RBFOX1: variants seen among roughly 807,000 people sequenced by gnomAD.
RBFOX1 encodes RNA binding protein fox-1 homolog 1.
RBFOX1 carries 8 observed loss-of-function variants against 57.7 expected under a neutral mutation model. That is an observed-to-expected ratio of 0.14 (90% CI 0.08 to 0.25). The LOEUF (loss-of-function observed/expected upper bound fraction) is 0.25, where lower values mean the gene tolerates loss of function less well. RBFOX1 is among the 10% of genes least tolerant of loss of function. The pLI is 1.00. For synonymous variants in RBFOX1, 326 were observed against 222.4 expected, an observed-to-expected ratio of 1.47 and a Z score of -4.15; for missense variants, 611 against 548.5, an observed-to-expected ratio of 1.11 and a Z score of -1.14.
chr16:6,909,039 T>C (rs998819231), intron 3 of RBFOX1, among the ~76,000 whole-genome samples: 5 of 152,170 alleles, frequency 3.3e-5, no homozygotes, highest in African/African-American at 4.8e-5. Context: ...ATTGTTGCTA[T>C]AACTAAATGA....
At chr16:7,155,859 A>C (rs10445042) in intron 4 of RBFOX1, among the ~76,000 whole-genome samples, 6 of 151,330 alleles carry the variant, frequency 4.0e-5, no homozygotes, top group Admixed American at 4.0e-4. Flanking sequence ...GATGAACCAT[A>C]TGTAGTGGTC....
Position 6,966,837 on chromosome 16 carries a change from A to ATCTGTCTG in RBFOX1, c.-15-85217_-15-85216insGTCTGTCT, listed in dbSNP as rs1231564212. On this transcript the variant is annotated intron_variant, in intron 3 of 15. Transcript: ENST00000550418. ...TGTCTGTCTATCTATCTGTCTATCT[A>ATCTGTCTG]TCTATCCATCCATCTATCCACACAT... Among the ~76,000 whole-genome samples the ATCTGTCTG allele has an allele frequency of 5.5e-3, 838 of 151,454 alleles. 10 individuals carry two copies. Among genetic ancestry groups the ATCTGTCTG allele is most frequent in the African/African-American group, 0.02 (807 of 41,032 alleles).
At chr16:6,185,582 G>T (rs1470533153) in intron 1 of RBFOX1, among the ~76,000 whole-genome samples, 1 of 152,190 alleles carries the variant, frequency 6.6e-6, no homozygotes, top group East Asian at 1.9e-4. Flanking sequence ...GGCTTGGAAG[G>T]TGATCAGCGT....
intron 2 of RBFOX1, among the ~76,000 whole-genome samples, chr16:6,328,085 C>T (rs56371995): frequency 0.29 from 43,925 of 152,120 alleles, 7,569 homozygotes; most frequent in Middle Eastern, 0.39. Context: ...GTGACACAAA[C>T]ACACATAATG....
chr16:5,634,898 T>C (rs1227539601), intron 3 of RBFOX1, among the ~76,000 whole-genome samples: 2 of 152,186 alleles, frequency 1.3e-5, no homozygotes, highest in African/African-American at 4.8e-5. Flanking sequence ...TGTTTATATG[T>C]CTATTCCAGG....
chr16:7,551,798 C>A (rs1224887123), intron 5 of RBFOX1, among the ~76,000 whole-genome samples: 1 of 152,184 alleles, frequency 6.6e-6, no homozygotes, highest in Non-Finnish European at 1.5e-5. Context: ...AATATTTACA[C>A]CACAGACATT....
chr16:6,758,369 A>G (rs11645845), intron 3 of RBFOX1, among the ~76,000 whole-genome samples: 11,535 of 152,202 alleles, frequency 0.076, 601 homozygotes, highest in Non-Finnish European at 0.11. Flanking sequence ...GCAGAATGCT[A>G]TTATGTTCAA....
intron 4 of RBFOX1, among the ~76,000 whole-genome samples, chr16:7,452,777 A>G (rs536326213): frequency 6.6e-6 from 1 of 152,296 alleles, no homozygotes; most frequent in African/African-American, 2.4e-5. Context: ...TAGATTACTT[A>G]GAGTCTGGTG....
At chr16:6,901,473 C>G (rs1350846173) in intron 3 of RBFOX1, among the ~76,000 whole-genome samples, 4 of 152,178 alleles carry the variant, frequency 2.6e-5, no homozygotes, top group Non-Finnish European at 5.9e-5. Context: ...GCCCCTACGA[C>G]TCTTCCTTAG....
chr16:5,709,751 C>T (rs1257973431), intron 3 of RBFOX1, among the ~76,000 whole-genome samples: 9 of 132,884 alleles, frequency 6.8e-5, no homozygotes, highest in South Asian at 2.4e-4. Flanking sequence ...GAGATCTTTA[C>T]ACCAATATCT....
At chr16:5,549,555 C>T (rs1019514629) in intron 2 of RBFOX1, among the ~76,000 whole-genome samples, 6 of 152,096 alleles carry the variant, frequency 3.9e-5, no homozygotes, top group Admixed American at 2.0e-4. Flanking sequence ...TCTGTGATAG[C>T]GTGACATGTA....
At chr16:5,887,938 A>C (rs1428733942) in intron 4 of RBFOX1, among the ~76,000 whole-genome samples, 1 of 152,202 alleles carries the variant, frequency 6.6e-6, no homozygotes, top group Non-Finnish European at 1.5e-5. Context: ...ACAACAGGGC[A>C]AGGACCACAC....
intron 1 of RBFOX1, among the ~76,000 whole-genome samples, chr16:6,292,897 C>G (rs1163347479): frequency 6.6e-6 from 1 of 152,134 alleles, no homozygotes; most frequent in African/African-American, 2.4e-5. Flanking sequence ...GACTGACATT[C>G]AAAGTACTTT....
Position 6,431,002 on chromosome 16 carries a change from T to C in RBFOX1, c.-64+113945T>C, listed in dbSNP as rs145493521. 4.6e-3 allele frequency among the ~76,000 whole-genome samples: 684 copies of C among 148,802 alleles called. 7 individuals are homozygous for C. Among genetic ancestry groups the C allele is most frequent in the African/African-American group, 0.015 (595 of 40,654 alleles). On this transcript the variant is annotated intron_variant, in intron 2 of 15. Transcript: ENST00000550418. ...AAAAAAAAAAAATTAGCCAGGTGTGTTGCTGTGCACCTGTAGTCCCAGCTA... is the reference window on the plus strand; with the variant it reads ...AAAAAAAAAAAATTAGCCAGGTGTGCTGCTGTGCACCTGTAGTCCCAGCTA...
At chr16:7,120,815 T>TTATATATATA (rs201841382) in intron 4 of RBFOX1, among the ~76,000 whole-genome samples, 1 of 113,590 alleles carries the variant, frequency 8.8e-6, no homozygotes, top group African/African-American at 3.5e-5. Flanking sequence ...ATGTAATATT[T>TTATATATATA]TATATATGTA....
intron 2 of RBFOX1, among the ~76,000 whole-genome samples, chr16:6,521,832 A>T (rs985253486): frequency 4.6e-5 from 7 of 152,132 alleles, no homozygotes; most frequent in African/African-American, 1.7e-4. Context: ...ATGTCTAAAA[A>T]TGGAAGGCTT....
rs2057470670 is a variant in RBFOX1 at position 6,675,435 on chromosome 16, G to A, written c.-16+20785G>A. On this transcript the variant is annotated intron_variant, in intron 3 of 15. Transcript: ENST00000550418. ...TTCCCAAGCAGAGCAAACTGGCCCA[G>A]AAGATTATTTCAAGACTTGCATTTG... Among the ~76,000 whole-genome samples, 4 of 152,118 alleles carry A rather than the reference G, an allele frequency of 2.6e-5. No homozygotes were observed. In the South Asian group the frequency reaches 8.3e-4, roughly 31 times the overall value.
chr16:5,638,041 C>T (rs546559942), intron 3 of RBFOX1, among the ~76,000 whole-genome samples: 15 of 152,298 alleles, frequency 9.8e-5, no homozygotes, highest in South Asian at 4.1e-4. Flanking sequence ...CCATCTCATA[C>T]GGGAGTTCCT....
At chr16:5,434,316 CCTTTTTTTTTTTTTT>C (rs1443677715) in intron 1 of RBFOX1, among the ~76,000 whole-genome samples, 2 of 59,902 alleles carry the variant, frequency 3.3e-5, no homozygotes, top group Non-Finnish European at 6.5e-5. Context: ...CTGCTGAAGT[CCTTTTTTTTTTTTTT>C]TTTTTTTTGA....
Sources: gnomAD v4.1 joint callset for allele counts (sites outside exome capture counted in the v4.1 genomes callset) on GRCh38, gnomAD v4.1.1 for gene constraint, MANE v1.5 for transcripts, NCBI Gene and HGNC (gene_info 2026-07-23, HGNC 2026-07-21) for gene names.